Variants in N4BP2 observed in about 807,000 individuals in gnomAD.
The protein encoded by N4BP2 is NEDD4-binding protein 2.
N4BP2 carries 91 observed loss-of-function variants against 152.8 expected under a neutral mutation model. The observed-to-expected ratio is 0.60, with a 90% CI of 0.50 to 0.71. The LOEUF (loss-of-function observed/expected upper bound fraction) is 0.71. Ranked by LOEUF, N4BP2 falls within the 30% of genes least tolerant of loss-of-function variation. The pLI, the probability that N4BP2 is intolerant of heterozygous loss-of-function variation, is 0.00. For missense variants in N4BP2, 1,923 were observed against 2,059.1 expected (o/e 0.93, Z 1.28); for synonymous variants, 646 against 705.3 (o/e 0.92, Z 1.33).
chr4:40,126,229 G>C lies in N4BP2; in HGVS notation c.4426G>C (p.Glu1476Gln), dbSNP rs376429460. ...KKLLKTLTAS[E>Q]MLPLLDHWNT... ...ATTACTGAAGACTTTAACAGCATCT[G>C]AAATGCTACCTTTATTGGATCATTG... Residue 1476 changes from glutamate to glutamine, a missense_variant, in exon 12 of 18, where the codon GAA (glutamate) becomes CAA (glutamine). Glu to Gln is a conservative substitution (Grantham distance 29). Transcript: ENST00000261435. 6 of 1,606,590 alleles carry C rather than the reference G, an allele frequency of 3.7e-6. No homozygotes were observed. In the African/African-American group the frequency reaches 5.4e-5, roughly 14 times the overall value.
chr4:40,123,708 T>TTCCTGGCTTTAAGTGATCC (rs1310317184), intron 10 of N4BP2, among the ~76,000 whole-genome samples: 2 of 151,928 alleles, frequency 1.3e-5, no homozygotes, highest in African/African-American at 4.8e-5. Flanking sequence ...TGGTTTTGAA[T>TTCCTGGCTTTAAGTGATCC]TCCTGGCTTT....
chr4:40,165,778 C>G, the N4BP2 span, among the ~76,000 whole-genome samples: 2 of 152,128 alleles, frequency 1.3e-5, no homozygotes, highest in African/African-American at 4.8e-5. Flanking sequence ...GTCAGTATTC[C>G]TCAAAGAACT....
At chr4:40,070,653 G>T (rs1240554132) in intron 1 of N4BP2, among the ~76,000 whole-genome samples, 1 of 151,968 alleles carries the variant, frequency 6.6e-6, no homozygotes, top group Non-Finnish European at 1.5e-5. Flanking sequence ...GTCTTGCCAT[G>T]TTGCCCAGGC....
intron 5 of N4BP2, among the ~76,000 whole-genome samples, chr4:40,110,122 A>T (rs1446078770): frequency 6.6e-6 from 1 of 152,200 alleles, no homozygotes; most frequent in Non-Finnish European, 1.5e-5. Flanking sequence ...TAATGTTTTC[A>T]AGCTTCATCC....
Position 40,120,696 on chromosome 4 carries a change from C to G in N4BP2, c.2585C>G (p.Pro862Arg), listed in dbSNP as rs774588120. 3.1e-6 allele frequency: 5 copies of G among 1,613,944 alleles called. No individual in the cohort carries two copies. The change falls in exon 9 of 18, where the codon CCA becomes CGA. Residue 862 changes from proline to arginine, a missense_variant. Transcript: ENST00000261435. ...TCACAGTGTGATGATGCTTCAGAGC[C>G]ACTCAATAGCTATAAATATGATGCT... is the stretch of plus-strand genomic sequence containing the variant. ...RKSQCDDASE[P>R]LNSYKYDAYK...
chr4:40,186,963 T>C, the N4BP2 span, among the ~76,000 whole-genome samples: 1 of 152,200 alleles, frequency 6.6e-6, no homozygotes, highest in Non-Finnish European at 1.5e-5. Flanking sequence ...AAGTACTCAT[T>C]TTCACACAGA....
intron 2 of N4BP2, among the ~76,000 whole-genome samples, chr4:40,076,321 C>T (rs1306982504): frequency 6.6e-6 from 1 of 151,958 alleles, no homozygotes; most frequent in Non-Finnish European, 1.5e-5. Flanking sequence ...ACTAAAAGTA[C>T]AAAAATTAGC....
intron 15 of N4BP2, among the ~76,000 whole-genome samples, chr4:40,144,048 A>G (rs1435099527): frequency 6.6e-6 from 1 of 151,696 alleles, no homozygotes; most frequent in Non-Finnish European, 1.5e-5. Flanking sequence ...CCCCCAGTCC[A>G]GGGTCAAAGG....
intron 8 of N4BP2, among the ~76,000 whole-genome samples, chr4:40,118,478 A>T (rs1717560865): frequency 6.6e-6 from 1 of 152,108 alleles, no homozygotes; most frequent in African/African-American, 2.4e-5. Flanking sequence ...ATTTTTAAGG[A>T]TTTACTTATA....
intron 16 of N4BP2, among the ~76,000 whole-genome samples, chr4:40,147,889 C>T (rs13102511): frequency 3.8e-4 from 57 of 149,616 alleles, no homozygotes; most frequent in African/African-American, 1.1e-3. Flanking sequence ...ACATCCCAGA[C>T]GGGGCGGCGG....
the N4BP2 span, among the ~76,000 whole-genome samples, chr4:40,165,145 C>G: frequency 1.3e-5 from 2 of 151,922 alleles, no homozygotes; most frequent in East Asian, 3.8e-4. Context: ...ATAGTTGTCT[C>G]TTATATTTCT....
At chr4:40,127,626 A>G (rs541362906) in intron 12 of N4BP2, among the ~76,000 whole-genome samples, 1 of 151,864 alleles carries the variant, frequency 6.6e-6, no homozygotes, top group Non-Finnish European at 1.5e-5. Context: ...AGAAATGTCT[A>G]TCTTACTATT....
At chr4:40,091,981 CAAAAAAAAAA>C (rs1189250112) in intron 2 of N4BP2, among the ~76,000 whole-genome samples, 2 of 20,034 alleles carry the variant, frequency 1.0e-4, no homozygotes, top group African/African-American at 1.9e-4. Flanking sequence ...GACCTTGTGT[CAAAAAAAAAA>C]AAAAAAAAAA....
chr4:40,181,512 A>G, the N4BP2 span, among the ~76,000 whole-genome samples: 1 of 152,230 alleles, frequency 6.6e-6, no homozygotes, highest in African/African-American at 2.4e-5. Context: ...ACTGAGAGGT[A>G]GGTGCTCCAA....
intron 13 of N4BP2, among the ~76,000 whole-genome samples, chr4:40,136,728 A>C (rs991352531): frequency 6.6e-6 from 1 of 152,262 alleles, no homozygotes; most frequent in South Asian, 2.1e-4. Flanking sequence ...ATTTTTTGAA[A>C]ATTAGCTTTT....
the N4BP2 span, among the ~76,000 whole-genome samples, chr4:40,179,369 CAACAAACAAACA>C: frequency 2.6e-5 from 4 of 152,086 alleles, no homozygotes; most frequent in East Asian, 3.8e-4. Flanking sequence ...GACTCCATCT[CAACAAACAAACA>C]AACAAACAAA....
chr4:40,076,784 G>A (rs1413036672), intron 2 of N4BP2, among the ~76,000 whole-genome samples: 2 of 152,102 alleles, frequency 1.3e-5, no homozygotes, highest in Non-Finnish European at 2.9e-5. Flanking sequence ...CACCACACCC[G>A]GCCCAAAAAT....
rs1721527793 is a variant in N4BP2, at chr4:40,155,443, TAAG to T, written c.*1212_*1214del. ...AGAGAAAATATTTTGGTTATAATCATAAGAAGAATCCTTACAATTTAAAATATT... is the reference window on the plus strand; with the variant it reads ...AGAGAAAATATTTTGGTTATAATCATAAGAATCCTTACAATTTAAAATATT... On this transcript the variant is annotated 3_prime_UTR_variant, in exon 18 of 18. Transcript: ENST00000261435. 6.6e-6 allele frequency: 1 copy of T among 152,046 alleles called. No homozygotes were observed. Among genetic ancestry groups the T allele is most frequent in the South Asian group, 2.1e-4 (1 of 4,820 alleles). 9.4% of individuals were successfully genotyped at this position (152,046 alleles called of 1,614,324 possible). A position where few individuals can be genotyped will look rare whatever the true frequency, so the allele number is the denominator to read the frequency against.
the N4BP2 span, among the ~76,000 whole-genome samples, chr4:40,177,601 G>A: frequency 2.6e-5 from 4 of 152,176 alleles, no homozygotes; most frequent in Non-Finnish European, 4.4e-5. Flanking sequence ...GGGTGACAGA[G>A]CAAGACTCTG....
Sources: allele counts gnomAD v4.1 joint callset (sites outside exome capture counted in the v4.1 genomes callset), GRCh38; gene constraint gnomAD v4.1.1; transcripts MANE v1.5; gene names NCBI Gene and HGNC (gene_info 2026-07-23, HGNC 2026-07-21).